Variants in CUX1 observed in about 807,000 individuals in gnomAD.
CUX1 encodes cut like homeobox 1.
A neutral mutation model predicts 158.8 loss-of-function variants in CUX1; 31 were observed. The ratio of observed to expected loss-of-function variants is 0.20; its 90% CI spans 0.15 to 0.26. The LOEUF is 0.26. Ranked by LOEUF, CUX1 falls within the 10% of genes least tolerant of loss-of-function variation. The pLI, the probability that CUX1 is intolerant of heterozygous loss-of-function variation, is 1.00. For synonymous variants in CUX1, 879 were observed against 862.1 expected, an observed-to-expected ratio of 1.02 and a Z score of -0.34; for missense variants, 1,589 against 2,014.6, an observed-to-expected ratio of 0.79 and a Z score of 4.04.
chr7:102,046,363 G>A lies in CUX1; in HGVS notation c.189+18218G>A, dbSNP rs1390343400. ...TTCTCCTGCCTCAGCCTCTGAAGTA[G>A]CTGGGATTACAGGCACGCACCACCA... On this transcript the variant is annotated intron_variant, in intron 3 of 23. Transcript: ENST00000292535. Among the ~76,000 whole-genome samples the A allele has an allele frequency of 2.6e-5, 4 of 152,076 alleles. No individual in the cohort carries two copies. In the East Asian group the frequency reaches 7.7e-4, roughly 29 times the overall value.
chr7:102,207,658 G>T (rs1025086729), intron 20 of CUX1, among the ~76,000 whole-genome samples: 1 of 152,062 alleles, frequency 6.6e-6, no homozygotes, highest in African/African-American at 2.4e-5. Context: ...CAACATGTTG[G>T]CCAGGCCGGT....
At chr7:102,216,712 C>CCA (rs370563729) in intron 20 of CUX1, among the ~76,000 whole-genome samples, 3 of 144,356 alleles carry the variant, frequency 2.1e-5, no homozygotes, top group Non-Finnish European at 3.0e-5. Flanking sequence ...CACGCACTCT[C>CCA]CACACACACA....
At chr7:101,937,929 C>T (rs557018687) in intron 2 of CUX1, among the ~76,000 whole-genome samples, 44 of 152,134 alleles carry the variant, frequency 2.9e-4, no homozygotes, top group Non-Finnish European at 4.9e-4. Context: ...CAGTCTTTAA[C>T]GTTGAGAAGA....
At position 102,174,082 on chromosome 7, in the gene CUX1, A is replaced by C. The variant is rs529071304; in HGVS notation, c.828+3532A>C. On this transcript the variant is annotated intron_variant, in intron 10 of 23. Transcript: ENST00000292535. ...CGGTCACTGAGTGAGCTGCTGGCCC[A>C]AGTTTGCAGCCATGCTGGGCTTTGC... is the stretch of plus-strand genomic sequence containing the variant. Among the ~76,000 whole-genome samples, 280 of 152,144 alleles carry C rather than the reference A, an allele frequency of 1.8e-3. 5 individuals are homozygous for C. In the South Asian group the frequency reaches 0.034, roughly 18 times the overall value.
intron 8 of CUX1, among the ~76,000 whole-genome samples, chr7:102,137,031 G>A (rs532339687): frequency 2.0e-5 from 3 of 152,248 alleles, no homozygotes; most frequent in South Asian, 2.1e-4. Context: ...TGGGGAGCAC[G>A]GGACTGCATT....
chr7:101,999,983 A>G (rs1031364581), intron 2 of CUX1, among the ~76,000 whole-genome samples: 3 of 152,120 alleles, frequency 2.0e-5, no homozygotes, highest in Non-Finnish European at 4.4e-5. Context: ...CTGGGACGCC[A>G]AGGCAGGAGG....
intron 11 of CUX1, among the ~76,000 whole-genome samples, chr7:102,185,689 C>G (rs1384679048): frequency 6.6e-6 from 1 of 151,894 alleles, no homozygotes; most frequent in African/African-American, 2.4e-5. Flanking sequence ...GCTACCACAC[C>G]TGACCCAAGA....
chr7:102,047,346 G>A (rs985907947), intron 3 of CUX1, among the ~76,000 whole-genome samples: 1 of 152,060 alleles, frequency 6.6e-6, no homozygotes, highest in Non-Finnish European at 1.5e-5. Flanking sequence ...TGCATGGAGG[G>A]AGGGTGAATA....
intron 1 of CUX1, among the ~76,000 whole-genome samples, chr7:101,820,810 A>G (rs954588520): frequency 3.9e-5 from 6 of 152,204 alleles, no homozygotes; most frequent in African/African-American, 1.2e-4. Flanking sequence ...CACTCAAGCA[A>G]TTCTGGTATC....
chr7:101,820,147 T>G (rs1792309317), intron 1 of CUX1, among the ~76,000 whole-genome samples: 1 of 152,222 alleles, frequency 6.6e-6, no homozygotes, highest in South Asian at 2.1e-4. Context: ...AAACCACTCC[T>G]GAGGCTGTAC....
chr7:102,079,985 G>T (rs1476569659), intron 4 of CUX1, among the ~76,000 whole-genome samples: 4 of 152,178 alleles, frequency 2.6e-5, no homozygotes. Context: ...TCCTCGGCCA[G>T]GTTCATAAAC....
intron 1 of CUX1, among the ~76,000 whole-genome samples, chr7:101,902,193 G>A (rs540135916): frequency 2.0e-5 from 3 of 152,252 alleles, no homozygotes; most frequent in East Asian, 3.9e-4. Flanking sequence ...TTGGACAGTC[G>A]GCCGAATCTG....
At chr7:102,218,046 C>T (rs760948033) in intron 20 of CUX1, among the ~76,000 whole-genome samples, 3 of 152,208 alleles carry the variant, frequency 2.0e-5, no homozygotes, top group Non-Finnish European at 2.9e-5. Context: ...ACTTCTCACT[C>T]GCTTGGCAGC....
At chr7:102,171,162 A>G (rs1485232360) in intron 10 of CUX1, among the ~76,000 whole-genome samples, 1 of 152,108 alleles carries the variant, frequency 6.6e-6, no homozygotes, top group African/African-American at 2.4e-5. Context: ...CTCTCTTTCA[A>G]TGCTGTATAG....
intron 1 of CUX1, among the ~76,000 whole-genome samples, chr7:101,841,129 G>A (rs1795159827): frequency 6.6e-6 from 1 of 151,972 alleles, no homozygotes; most frequent in South Asian, 2.1e-4. Flanking sequence ...TCCTGACTTT[G>A]TGATCCGCCC....
In CUX1 at chr7:102,253,179, G is replaced by A; in HGVS notation, c.*4137G>A. On this transcript the variant is annotated 3_prime_UTR_variant, in exon 24 of 24. Coordinates refer to ENST00000292535, the MANE Select transcript of CUX1 (RefSeq NM_181552.4). The stretch of plus-strand genomic sequence containing the variant: ...CATCCTGTCTGATGTGGACGTTCAG[G>A]TCTGCTGGTTGGCGGTCCGGGCCCA... 5.1e-6 allele frequency: 5 copies of A among 985,476 alleles called. No individual in the cohort carries two copies. The highest frequency in any genetic ancestry group is 6.0e-6 in the Non-Finnish European group (5 of 829,984). 61.0% of individuals were successfully genotyped at this position (985,476 alleles called of 1,614,324 possible). A position where few individuals can be genotyped will look rare whatever the true frequency, so the allele number is the denominator to read the frequency against.
rs180994218 is a variant in CUX1, at chr7:102,048,634, G to T, written c.189+20489G>T. 5.9e-3 allele frequency among the ~76,000 whole-genome samples: 896 copies of T among 152,202 alleles called. 9 individuals are homozygous for T. The highest frequency in any genetic ancestry group is 0.021 in the African/African-American group (863 of 41,514). ...ACCTGAGGTCAGGAGTTTGAGACCA[G>T]CCTGGCCAGCATGGTGAAACCCCGT... On this transcript the variant is annotated intron_variant, in intron 3 of 23. Transcript: ENST00000292535.
At chr7:102,260,570 CTTTTTT>C (rs55642237), downstream of CUX1, among the ~76,000 whole-genome samples, 1 of 51,058 alleles carries the variant, frequency 2.0e-5, no homozygotes. Flanking sequence ...CCACACCTGG[CTTTTTT>C]TTTTTTTTTT....
chr7:102,050,633 G>C (rs1353635822), intron 3 of CUX1, among the ~76,000 whole-genome samples: 2 of 152,034 alleles, frequency 1.3e-5, no homozygotes, highest in Non-Finnish European at 2.9e-5. Context: ...TAGTTGCCCT[G>C]GCCAGAACTC....
Sources: allele counts gnomAD v4.1 joint callset (sites outside exome capture counted in the v4.1 genomes callset), GRCh38; gene constraint gnomAD v4.1.1; transcripts MANE v1.5; gene names NCBI Gene and HGNC (gene_info 2026-07-23, HGNC 2026-07-21).